TNR: variants seen among roughly 807,000 people sequenced by gnomAD.
TNR encodes tenascin-R.
TNR carries 45 observed loss-of-function variants against 150.4 expected under a neutral mutation model. That is an observed-to-expected ratio of 0.30 (90% CI 0.24 to 0.38). The LOEUF (loss-of-function observed/expected upper bound fraction) is 0.38, where lower values mean the gene tolerates loss of function less well. Among genes scored for constraint, TNR ranks in the 10% least tolerant of loss-of-function variants. The pLI is 1.00. For missense variants in TNR, 1,544 were observed against 1,759.1 expected, an observed-to-expected ratio of 0.88 and a Z score of 2.19; for synonymous variants, 687 against 678.4, an observed-to-expected ratio of 1.01 and a Z score of -0.20.
At chr1:175,711,415 G>A (rs1407990352) in intron 1 of TNR, among the ~76,000 whole-genome samples, 3 of 152,212 alleles carry the variant, frequency 2.0e-5, no homozygotes, top group Non-Finnish European at 4.4e-5. Context: ...CAGTGTGGCA[G>A]GAGTGGAGTG....
intron 8 of TNR, 32 bp downstream of exon 8, chr1:175,386,000 C>G (rs1652899594): frequency 6.5e-7 from 1 of 1,534,094 alleles, no homozygotes; most frequent in East Asian, 2.3e-5. Context: ...CTCTTTCCCT[C>G]CTTGTGCGTC....
rs190992854 is a variant in TNR at position 175,734,317 on chromosome 1, A to G, written c.-165+8909T>C. 2.2e-4 allele frequency among the ~76,000 whole-genome samples: 34 copies of G among 152,368 alleles called. No individual in the cohort carries two copies. In the East Asian group the frequency reaches 6.2e-3, roughly 28 times the overall value. ...TGTAAGTCTTTTTGTAGAAAATGAC[A>G]TCTCATTTAAAAGACATGGCTATTC... On this transcript the variant is annotated intron_variant, in intron 1 of 22. Transcript: ENST00000367674.
chr1:175,619,275 C>G (rs896486940), intron 1 of TNR, among the ~76,000 whole-genome samples: 11 of 152,168 alleles, frequency 7.2e-5, no homozygotes, highest in African/African-American at 2.7e-4. Context: ...CATTCCTGTC[C>G]AAAGGACCAA....
rs1663164533 is a variant in TNR at position 175,599,818 on chromosome 1, C to G, written c.-164-71449G>C. Reference sequence around the variant, plus strand: ...CCACTTGAAACCAGAAAATACACTTCCCAGATAGCAAGGAGGGGTGATTCG... The same window carrying G: ...CCACTTGAAACCAGAAAATACACTTGCCAGATAGCAAGGAGGGGTGATTCG... On this transcript the variant is annotated intron_variant, in intron 1 of 22. Coordinates refer to ENST00000367674, the MANE Select transcript of TNR (RefSeq NM_003285.3). This position sits in a 1 kb window ranked among gnomAD's most constrained non-coding sequence, Gnocchi z 4.7. Among the ~76,000 whole-genome samples, 2 of 152,184 alleles carry G rather than the reference C, an allele frequency of 1.3e-5. No individual in the cohort carries two copies. The highest frequency in any genetic ancestry group is 2.9e-5 in the Non-Finnish European group (2 of 68,038).
intron 20 of TNR, among the ~76,000 whole-genome samples, chr1:175,334,886 CAAG>C (rs1181542787): frequency 6.6e-6 from 1 of 152,060 alleles, no homozygotes. Context: ...GTGCAAAAGA[CAAG>C]AAGAACCTGT....
chr1:175,714,072 C>T (rs1346484150), intron 1 of TNR, among the ~76,000 whole-genome samples: 3 of 151,734 alleles, frequency 2.0e-5, no homozygotes, highest in Non-Finnish European at 4.4e-5. Flanking sequence ...ATGTGCTGTT[C>T]TGTCCTCTGC....
intron 2 of TNR, among the ~76,000 whole-genome samples, chr1:175,439,425 G>T (rs1655676913): frequency 6.6e-6 from 1 of 151,954 alleles, no homozygotes; most frequent in Non-Finnish European, 1.5e-5. Context: ...AAAAACCCTA[G>T]AAGAAAACCT....
At chr1:175,690,740 C>T (rs1258329972) in intron 1 of TNR, among the ~76,000 whole-genome samples, 4 of 151,994 alleles carry the variant, frequency 2.6e-5, no homozygotes, top group Non-Finnish European at 4.4e-5. Context: ...TCTGGCTTTG[C>T]GCAGAGAAGT....
intron 1 of TNR, among the ~76,000 whole-genome samples, chr1:175,558,098 A>T (rs1661250874): frequency 8.4e-6 from 1 of 119,492 alleles, no homozygotes; most frequent in Non-Finnish European, 1.7e-5. Context: ...CAGGAAGGGG[A>T]ATATCACCCT....
intron 1 of TNR, among the ~76,000 whole-genome samples, chr1:175,725,547 A>G (rs954018774): frequency 2.0e-5 from 3 of 152,242 alleles, no homozygotes; most frequent in Admixed American, 1.3e-4. Flanking sequence ...TAGTTCAGTG[A>G]CATCTGTTTC....
intron 1 of TNR, among the ~76,000 whole-genome samples, chr1:175,659,509 G>C (rs942983859): frequency 6.6e-6 from 1 of 152,088 alleles, no homozygotes; most frequent in Non-Finnish European, 1.5e-5. Flanking sequence ...GTGTGTGTTG[G>C]TGCACCAAAC....
rs975090719 is a variant in TNR at position 175,721,034 on chromosome 1, A to G, written c.-165+22192T>C. On this transcript the variant is annotated intron_variant, in intron 1 of 22. Coordinates refer to ENST00000367674, the MANE Select transcript of TNR (RefSeq NM_003285.3). ...AGTGAGGGCATGGGACCCTTGTCTT[A>G]TGCATATTCATCTTCATTGCTTAGC... 5.9e-5 allele frequency among the ~76,000 whole-genome samples: 9 copies of G among 152,154 alleles called. 1 individual carries two copies. Among genetic ancestry groups the G allele is most frequent in the Admixed American group, 5.9e-4 (9 of 15,276 alleles).
intron 2 of TNR, among the ~76,000 whole-genome samples, chr1:175,444,997 G>C (rs566892190): frequency 1.3e-5 from 2 of 152,156 alleles, no homozygotes; most frequent in Admixed American, 6.5e-5. Flanking sequence ...GCAGCCGGGC[G>C]CGGTGGCTCA....
rs772793640 is a variant in TNR, at chr1:175,335,701, G to T, written c.3631+10C>A. 3.1e-6 allele frequency: 5 copies of T among 1,609,170 alleles called. No homozygotes were observed. The highest frequency in any genetic ancestry group is 4.2e-6 in the Non-Finnish European group (5 of 1,177,700). On this transcript the variant is annotated intron_variant, in intron 20 of 22. Coordinates refer to ENST00000367674, the MANE Select transcript of TNR (RefSeq NM_003285.3). ...AAGCACATCAATGGAAAGCAATAAG[G>T]AGGCTTTACCCAGCCAGAACTCATC...
At chr1:175,654,083 C>T (rs1032118363) in intron 1 of TNR, among the ~76,000 whole-genome samples, 2 of 152,170 alleles carry the variant, frequency 1.3e-5, no homozygotes, top group Non-Finnish European at 1.5e-5. Context: ...TGATTATTAT[C>T]TTAAAGCACA....
chr1:175,732,701 C>A (rs551577320), intron 1 of TNR, among the ~76,000 whole-genome samples: 1 of 152,294 alleles, frequency 6.6e-6, no homozygotes, highest in Admixed American at 6.5e-5. Flanking sequence ...TCATTAGGTA[C>A]ACAGAATCCC....
chr1:175,589,407 G>A (rs1374092072), intron 1 of TNR, among the ~76,000 whole-genome samples: 1 of 152,108 alleles, frequency 6.6e-6, no homozygotes, highest in Admixed American at 6.5e-5. Flanking sequence ...ATAATTAGAG[G>A]TTTATTCTGG....
intron 1 of TNR, among the ~76,000 whole-genome samples, chr1:175,724,309 G>A (rs1226111757): frequency 6.6e-6 from 1 of 152,194 alleles, no homozygotes. Context: ...TGGCAAAGGG[G>A]AGCCAGTACT....
In TNR at chr1:175,388,946, T is replaced by C. The variant is rs191479974; in HGVS notation, c.1507+2342A>G. ...CTACCTTCTCCATGTTCTGTCAATA[T>C]TCTAGGAGAAAAATATTCTTCAACT... On this transcript the variant is annotated intron_variant, in intron 7 of 22. Transcript: ENST00000367674. 4.3e-3 allele frequency among the ~76,000 whole-genome samples: 648 copies of C among 152,358 alleles called. 2 individuals carry two copies. The highest frequency in any genetic ancestry group is 6.1e-3 in the Non-Finnish European group (413 of 68,034).
Sources: allele counts gnomAD v4.1 joint callset (sites outside exome capture counted in the v4.1 genomes callset), GRCh38; gene constraint gnomAD v4.1.1; non-coding constraint Gnocchi (gnomAD v3.1); transcripts MANE v1.5; gene names NCBI Gene and HGNC (gene_info 2026-07-23, HGNC 2026-07-21).